Variants in ZNF638 observed in about 807,000 individuals in gnomAD.
ZNF638 encodes the protein CTCL tumor antigen se33-1.
Under a neutral mutation model 195.6 loss-of-function variants are expected in ZNF638, and 46 were observed. The observed-to-expected ratio is 0.24, with a 90% CI of 0.19 to 0.30. The LOEUF is 0.30. Ranked by LOEUF, ZNF638 falls within the 10% of genes least tolerant of loss-of-function variation. The pLI, the probability that ZNF638 is intolerant of heterozygous loss-of-function variation, is 1.00. For synonymous variants in ZNF638, 845 were observed against 772.0 expected, an observed-to-expected ratio of 1.09 and a Z score of -1.57; for missense variants, 2,440 against 2,325.3, an observed-to-expected ratio of 1.05 and a Z score of -1.01.
At chr2:71,341,430 C>G (rs984666094) in intron 1 of ZNF638, among the ~76,000 whole-genome samples, 10 of 152,030 alleles carry the variant, frequency 6.6e-5, no homozygotes, top group African/African-American at 2.4e-4. Context: ...TAGTATACTT[C>G]TAATTTTGTA....
intron 1 of ZNF638, among the ~76,000 whole-genome samples, chr2:71,344,265 T>C (rs1236774465): frequency 6.6e-6 from 1 of 152,248 alleles, no homozygotes; most frequent in Non-Finnish European, 1.5e-5. Flanking sequence ...CTTTACGTAG[T>C]AGTGTCCCTT....
chr2:71,361,930 A>G (rs2079116355), intron 3 of ZNF638, among the ~76,000 whole-genome samples: 1 of 152,246 alleles, frequency 6.6e-6, no homozygotes, highest in Non-Finnish European at 1.5e-5. Flanking sequence ...AACCACTTTA[A>G]TAAGGTTCGA....
intron 1 of ZNF638, among the ~76,000 whole-genome samples, chr2:71,346,073 A>C (rs2078845957): frequency 6.6e-6 from 1 of 152,264 alleles, no homozygotes; most frequent in South Asian, 2.1e-4. Flanking sequence ...AGATTGTTCC[A>C]AATGATACTT....
chr2:71,344,413 AT>A (rs1310306478), intron 1 of ZNF638, among the ~76,000 whole-genome samples: 1 of 152,166 alleles, frequency 6.6e-6, no homozygotes, highest in Admixed American at 6.5e-5. Context: ...TTTTCAAGAG[AT>A]TTCTAACTAT....
intron 6 of ZNF638, among the ~76,000 whole-genome samples, chr2:71,367,759 T>C (rs140113864): frequency 0.034 from 5,003 of 148,512 alleles, 120 homozygotes; most frequent in Middle Eastern, 0.048. Flanking sequence ...TTTAAAAATA[T>C]AGAGTCTTAG....
intron 10 of ZNF638, chr2:71,393,785 C>T (rs2079837904): frequency 1.6e-6 from 1 of 618,628 alleles, no homozygotes; most frequent in South Asian, 1.9e-5. Flanking sequence ...TTCCCAGCCT[C>T]TAATAACGTT....
intron 10 of ZNF638, among the ~76,000 whole-genome samples, chr2:71,392,062 T>C (rs6546688): frequency 0.9 from 137,428 of 152,242 alleles, 62,111 homozygotes; most frequent in East Asian, 0.99. Flanking sequence ...CTATATGGGC[T>C]GCAGACGATG....
intron 23 of ZNF638, 29 bp from the exon 24 acceptor site, chr2:71,426,431 C>T (rs1351651558): frequency 1.3e-6 from 2 of 1,507,614 alleles, no homozygotes; most frequent in African/African-American, 2.8e-5. Context: ...AATTTGTTTA[C>T]AATACTATGA....
intron 6 of ZNF638, 72 bp from the exon 7 acceptor site, chr2:71,368,310 A>G (rs2079242967): frequency 7.1e-7 from 1 of 1,416,892 alleles, no homozygotes; most frequent in South Asian, 1.4e-5. Flanking sequence ...AGAAGAAATT[A>G]TATAGGAAAT....
chr2:71,433,044 G>A lies in ZNF638; in HGVS notation c.5753-121G>A, dbSNP rs1405936459. Reference sequence around the variant, plus strand: ...AGAGGTTGCAGTGAGCTGACATCGCGCCACTGCCCTCCAACCTGGATGACA... The same window carrying A: ...AGAGGTTGCAGTGAGCTGACATCGCACCACTGCCCTCCAACCTGGATGACA... On this transcript the variant is annotated intron_variant, in intron 26 of 27. Coordinates refer to ENST00000264447, the MANE Select transcript of ZNF638 (RefSeq NM_014497.5). 21 of 776,516 alleles carry A rather than the reference G, an allele frequency of 2.7e-5. 1 individual carries two copies. In the East Asian group the frequency reaches 4.0e-4, roughly 15 times the overall value. The allele number at this position is 776,516 out of a possible 1,614,324, so 48.1% of individuals were successfully genotyped here. A position where few individuals can be genotyped will look rare whatever the true frequency, so the allele number is the denominator to read the frequency against.
At chr2:71,404,725 A>G (rs2080071681) in intron 17 of ZNF638, among the ~76,000 whole-genome samples, 1 of 152,136 alleles carries the variant, frequency 6.6e-6, no homozygotes, top group Admixed American at 6.5e-5. Flanking sequence ...TCTAAAACAA[A>G]CAGACCTCCT....
Position 71,365,560 on chromosome 2 carries a change from A to C in ZNF638, c.1849A>C (p.Lys617Gln). 1 of 1,614,188 alleles carries C rather than the reference A, an allele frequency of 6.2e-7. No homozygotes were observed. The highest frequency in any genetic ancestry group is 8.5e-7 in the Non-Finnish European group (1 of 1,180,036). Residue 617 changes from lysine (K) to glutamine (Q), a missense_variant, in exon 6 of 28, where the codon AAA (lysine) becomes CAA (glutamine). Lys to Gln is a moderately conservative substitution (Grantham distance 53, BLOSUM62 1). Around this residue, in one of 5 missense-constraint regions of ZNF638, gnomAD observed 1,883 missense variants for 1,739.1 expected, o/e 1.08. Coordinates refer to ENST00000264447, the MANE Select transcript of ZNF638 (RefSeq NM_014497.5). ...AQKPKTSSGTKPSVKPTSATK... is the reference protein window; with the variant it reads ...AQKPKTSSGTQPSVKPTSATK... Reference sequence around the variant, plus strand: ...AAAGCCTAAAACTAGCAGTGGAACAAAACCATCAGTTAAACCTACAAGCGC... The same window carrying C: ...AAAGCCTAAAACTAGCAGTGGAACACAACCATCAGTTAAACCTACAAGCGC...
intron 21 of ZNF638, among the ~76,000 whole-genome samples, chr2:71,419,683 G>A (rs750374260): frequency 3.3e-5 from 5 of 152,086 alleles, no homozygotes; most frequent in Non-Finnish European, 7.4e-5. Flanking sequence ...AGCTCACAAA[G>A]GGCTTAATAA....
chr2:71,422,953 T>G lies in ZNF638; in HGVS notation c.3439T>G (p.Cys1147Gly). The change falls in exon 22 of 28, where the codon TGT (cysteine) becomes GGT (glycine). Residue 1147 changes from cysteine to glycine, a missense_variant. By Grantham distance (159) the Cys-to-Gly change is radical. This residue lies in a region of ZNF638 where 1,883 missense variants were observed against 1,739.1 expected (regional missense o/e 1.08). Coordinates refer to ENST00000264447, the MANE Select transcript of ZNF638 (RefSeq NM_014497.5). Reference protein sequence around the residue: ...TETLVQQEEPCEEEAEKATCD... With the variant: ...TETLVQQEEPGEEEAEKATCD... ...AACTTTGGTACAGCAGGAAGAGCCT[T>G]GTGAGGAAGAAGCTGAAAAAGCAAC... 1 of 1,614,086 alleles carries G rather than the reference T, an allele frequency of 6.2e-7. No individual in the cohort carries two copies. The highest frequency in any genetic ancestry group is 8.5e-7 in the Non-Finnish European group (1 of 1,179,972).
chr2:71,421,055 G>A (rs1361709485), intron 21 of ZNF638, among the ~76,000 whole-genome samples: 1 of 152,086 alleles, frequency 6.6e-6, no homozygotes, highest in East Asian at 1.9e-4. Flanking sequence ...CAGGAATCAA[G>A]GTCTCCATTG....
At chr2:71,384,941 G>T (rs201623470) in intron 10 of ZNF638, among the ~76,000 whole-genome samples, 2 of 152,240 alleles carry the variant, frequency 1.3e-5, no homozygotes, top group East Asian at 3.9e-4. Context: ...TCACCTGTGG[G>T]AACTCCCACA....
chr2:71,380,409 G>A (rs17693408), intron 9 of ZNF638, 104 bp from the exon 10 acceptor site: 593,301 of 1,150,572 alleles, frequency 0.52, 162,724 homozygotes, highest in Admixed American at 0.6. Context: ...TATCACTCCA[G>A]TTGAATTATT....
intron 20 of ZNF638, among the ~76,000 whole-genome samples, chr2:71,410,985 C>G (rs1422562478): frequency 2.1e-5 from 2 of 96,762 alleles, no homozygotes; most frequent in Non-Finnish European, 4.5e-5. Flanking sequence ...CCACCACCTC[C>G]CCCCCCCTTT....
chr2:71,346,840 C>T (rs950472376), intron 1 of ZNF638, among the ~76,000 whole-genome samples: 5 of 151,780 alleles, frequency 3.3e-5, no homozygotes, highest in East Asian at 1.9e-4. Context: ...GCCGACATGA[C>T]GAAACCCCAT....
Sources: gnomAD v4.1 joint callset for allele counts (sites outside exome capture counted in the v4.1 genomes callset) on GRCh38, gnomAD v4.1.1 for gene constraint, gnomAD v4.1.1 regional missense constraint, MANE v1.5 for transcripts, NCBI Gene and HGNC (gene_info 2026-07-23, HGNC 2026-07-21) for gene names.